SSBP2: variants seen among roughly 807,000 people sequenced by gnomAD.
SSBP2 encodes single stranded DNA binding protein 2.
In SSBP2, 17 loss-of-function variants were observed where a neutral mutation model predicts 61.8. That is an observed-to-expected ratio of 0.28 (90% CI 0.19 to 0.41). The LOEUF is 0.41. SSBP2 is among the 10% of genes least tolerant of loss of function. The pLI is 1.00. For missense variants in SSBP2, 310 were observed against 458.7 expected (o/e 0.68, Z 2.96); for synonymous variants, 139 against 141.3 (o/e 0.98, Z 0.12).
In SSBP2 at chr5:81,693,952, G is replaced by T. The variant is rs145904049; in HGVS notation, c.63-43613C>A. On this transcript the variant is annotated intron_variant, in intron 1 of 16. Transcript: ENST00000320672. The stretch of plus-strand genomic sequence containing the variant: ...CTTAGCGTCCATCAACAGACAAATG[G>T]ATAAAGAAAATATGGTGCATATACA... Among the ~76,000 whole-genome samples the T allele has an allele frequency of 1.3e-3, 199 of 152,034 alleles. 1 individual carries two copies. The highest frequency in any genetic ancestry group is 4.5e-3 in the African/African-American group (188 of 41,452).
At chr5:81,572,448 A>G (rs1773908014) in intron 4 of SSBP2, among the ~76,000 whole-genome samples, 1 of 152,176 alleles carries the variant, frequency 6.6e-6, no homozygotes, top group African/African-American at 2.4e-5. Flanking sequence ...TCCATGGATA[A>G]ATCCAGAGGG....
intron 5 of SSBP2, among the ~76,000 whole-genome samples, chr5:81,506,595 G>C (rs531920484): frequency 1.3e-5 from 2 of 152,208 alleles, no homozygotes; most frequent in South Asian, 4.2e-4. Flanking sequence ...AGTCAAGAAA[G>C]ATAAGAGGAA....
At chr5:81,740,446 A>C (rs1756938839) in intron 1 of SSBP2, among the ~76,000 whole-genome samples, 3 of 152,220 alleles carry the variant, frequency 2.0e-5, no homozygotes. Context: ...GATGTGAAAA[A>C]AATAAAACAA....
At chr5:81,433,763 A>G (rs984581447) in intron 15 of SSBP2, among the ~76,000 whole-genome samples, 1 of 152,210 alleles carries the variant, frequency 6.6e-6, no homozygotes, top group Admixed American at 6.5e-5. Flanking sequence ...AATCAAATAT[A>G]AATTCTGCAT....
intron 15 of SSBP2, among the ~76,000 whole-genome samples, chr5:81,430,470 T>C (rs986132238): frequency 3.9e-5 from 6 of 152,222 alleles, no homozygotes; most frequent in African/African-American, 1.4e-4. Flanking sequence ...AAGCAGCGTA[T>C]CTCAGACTCA....
At chr5:81,613,221 C>A (rs1003861107) in intron 4 of SSBP2, among the ~76,000 whole-genome samples, 6 of 152,050 alleles carry the variant, frequency 3.9e-5, no homozygotes, top group Non-Finnish European at 5.9e-5. Context: ...AAACATCTGA[C>A]ACAATGTGCT....
chr5:81,704,795 C>CAAAAAAAA (rs34376110), intron 1 of SSBP2, among the ~76,000 whole-genome samples: 1 of 51,990 alleles, frequency 1.9e-5, no homozygotes, highest in Non-Finnish European at 3.3e-5. Flanking sequence ...GATTCCATCT[C>CAAAAAAAA]AAAAAAAAAA....
intron 5 of SSBP2, among the ~76,000 whole-genome samples, chr5:81,500,951 T>C (rs1005417679): frequency 6.6e-6 from 1 of 150,968 alleles, no homozygotes; most frequent in African/African-American, 2.4e-5. Flanking sequence ...CGGTGGCTCA[T>C]GCCTGTAATC....
intron 2 of SSBP2, among the ~76,000 whole-genome samples, chr5:81,643,264 A>G (rs1748952797): frequency 6.6e-6 from 1 of 152,168 alleles, no homozygotes; most frequent in Non-Finnish European, 1.5e-5. Context: ...CTTCCACAGC[A>G]TCTCCAACAA....
intron 1 of SSBP2, among the ~76,000 whole-genome samples, chr5:81,680,279 C>A (rs1752288467): frequency 6.7e-6 from 1 of 148,306 alleles, no homozygotes; most frequent in South Asian, 2.1e-4. Flanking sequence ...AATAAATATG[C>A]ATGTATGTAT....
At chr5:81,466,554 T>C (rs1401502313) in intron 9 of SSBP2, among the ~76,000 whole-genome samples, 1 of 152,008 alleles carries the variant, frequency 6.6e-6, no homozygotes, top group African/African-American at 2.4e-5. Context: ...AGAATCACTA[T>C]GTATCTGTTA....
intron 1 of SSBP2, among the ~76,000 whole-genome samples, chr5:81,726,794 T>C (rs1434314324): frequency 2.0e-5 from 3 of 152,260 alleles, no homozygotes; most frequent in Middle Eastern, 3.4e-3. Flanking sequence ...TTCCCTTCTA[T>C]ATTTATTTAT....
intron 2 of SSBP2, among the ~76,000 whole-genome samples, chr5:81,643,047 C>T (rs1314206451): frequency 6.6e-6 from 1 of 152,214 alleles, no homozygotes; most frequent in African/African-American, 2.4e-5. Flanking sequence ...CTGAAAATCA[C>T]ATTTCCTAAC....
At chr5:81,560,951 C>A (rs1045758015) in intron 4 of SSBP2, among the ~76,000 whole-genome samples, 1 of 152,016 alleles carries the variant, frequency 6.6e-6, no homozygotes, top group Non-Finnish European at 1.5e-5. Flanking sequence ...CTGTTAAATA[C>A]CACTAAAATT....
intron 1 of SSBP2, among the ~76,000 whole-genome samples, chr5:81,740,022 C>G (rs1360398312): frequency 6.6e-6 from 1 of 152,124 alleles, no homozygotes; most frequent in Non-Finnish European, 1.5e-5. Flanking sequence ...CATCAACAAC[C>G]TTTAATATTT....
At chr5:81,674,471 T>C (rs893035774) in intron 1 of SSBP2, among the ~76,000 whole-genome samples, 25 of 152,186 alleles carry the variant, frequency 1.6e-4, no homozygotes, top group African/African-American at 6.0e-4. Context: ...TCAAAGCTTA[T>C]TCAATTGACT....
chr5:81,606,792 G>C (rs1744921504), intron 4 of SSBP2, among the ~76,000 whole-genome samples: 1 of 152,166 alleles, frequency 6.6e-6, no homozygotes, highest in Non-Finnish European at 1.5e-5. Flanking sequence ...ATTGACAATG[G>C]AAAGAAAAGA....
chr5:81,485,130 CCAGGTTA>C (rs921016482), intron 6 of SSBP2, among the ~76,000 whole-genome samples: 38 of 152,190 alleles, frequency 2.5e-4, no homozygotes, highest in South Asian at 6.2e-4. Flanking sequence ...TTGCTCGGTT[CCAGGTTA>C]CAGATGCTTC....
chr5:81,546,944 A>G (rs1413234732), intron 4 of SSBP2, among the ~76,000 whole-genome samples: 1 of 52,274 alleles, frequency 1.9e-5, no homozygotes, highest in African/African-American at 9.9e-4. Flanking sequence ...AATTCTCTTA[A>G]GAATACACGA....
Sources: gnomAD v4.1 joint callset for allele counts (sites outside exome capture counted in the v4.1 genomes callset) on GRCh38, gnomAD v4.1.1 for gene constraint, MANE v1.5 for transcripts, NCBI Gene and HGNC (gene_info 2026-07-23, HGNC 2026-07-21) for gene names.